Variants in PLXNA4 observed in about 807,000 individuals in gnomAD.
The protein encoded by PLXNA4 is plexin A4.
In PLXNA4, 44 loss-of-function variants were observed where a neutral mutation model predicts 191.8. That is an observed-to-expected ratio of 0.23 (90% CI 0.18 to 0.29). The LOEUF (loss-of-function observed/expected upper bound fraction) is 0.29. Among genes scored for constraint, PLXNA4 ranks in the 10% least tolerant of loss-of-function variants. The pLI is 1.00. For missense variants in PLXNA4, 1,800 were observed against 2,488.8 expected (o/e 0.72, Z 5.89); for synonymous variants, 1,082 against 1,009.5 (o/e 1.07, Z -1.36).
intron 3 of PLXNA4, among the ~76,000 whole-genome samples, chr7:132,371,669 G>T (rs1405926271): frequency 1.3e-5 from 2 of 152,164 alleles, no homozygotes; most frequent in East Asian, 1.9e-4. Context: ...GGAGACAGTG[G>T]CCAAAGATGT....
chr7:132,339,815 T>C (rs1017325117), intron 3 of PLXNA4, among the ~76,000 whole-genome samples: 10 of 152,218 alleles, frequency 6.6e-5, no homozygotes, highest in East Asian at 1.9e-4. Context: ...GGACTTATTA[T>C]GATTAGATTA....
Position 132,165,187 on chromosome 7 carries a change from C to A in PLXNA4, c.4300G>T (p.Ala1434Ser), listed in dbSNP as rs1378911264. Residue 1434 changes from alanine to serine, a missense_variant, in exon 23 of 32, where the codon GCT becomes TCT. Ala to Ser is a moderately conservative substitution (Grantham distance 99, BLOSUM62 1). Transcript: ENST00000321063. Reference sequence around the variant, plus strand: ...AACCAATTGGTCAGCATCTTCTCAGCCACTGACTCAGTCCTGTCAGCAGTC... The same window carrying A: ...AACCAATTGGTCAGCATCTTCTCAGACACTGACTCAGTCCTGTCAGCAGTC... The part of the protein sequence containing the change: ...KLLLRRTESV[A>S]EKMLTNWFTF... 1 of 1,613,202 alleles carries A rather than the reference C, an allele frequency of 6.2e-7. No individual in the cohort carries two copies. Among genetic ancestry groups the A allele is most frequent in the African/African-American group, 1.3e-5 (1 of 74,902 alleles).
chr7:132,161,074 T>A (rs1421176343), intron 24 of PLXNA4, among the ~76,000 whole-genome samples: 2 of 152,134 alleles, frequency 1.3e-5, no homozygotes, highest in Non-Finnish European at 2.9e-5. Context: ...TCTGGCCCCT[T>A]CCCTCTGCTC....
At chr7:132,167,071 G>A (rs1796144341) in intron 22 of PLXNA4, among the ~76,000 whole-genome samples, 1 of 152,214 alleles carries the variant, frequency 6.6e-6, no homozygotes, top group Non-Finnish European at 1.5e-5. Flanking sequence ...GACAGCACAT[G>A]AGTGGTCTAG....
At chr7:132,501,031 A>G (rs965937182) in intron 2 of PLXNA4, among the ~76,000 whole-genome samples, 1 of 152,216 alleles carries the variant, frequency 6.6e-6, no homozygotes, top group Non-Finnish European at 1.5e-5. Context: ...GGGCTGGTCT[A>G]TGTGCCCATT....
chr7:132,164,738 C>T (rs750358322), intron 23 of PLXNA4, among the ~76,000 whole-genome samples: 8 of 152,248 alleles, frequency 5.3e-5, no homozygotes, highest in Admixed American at 1.3e-4. Flanking sequence ...GCTTATCTGC[C>T]GCAACATGCG....
At chr7:132,595,018 T>C (rs62465172) in intron 2 of PLXNA4, among the ~76,000 whole-genome samples, 3,867 of 31,264 alleles carry the variant, frequency 0.12, 202 homozygotes, top group Admixed American at 0.37. Flanking sequence ...GATAGATAGA[T>C]AGACAGACAG....
At chr7:132,284,631 G>A (rs1800614418) in intron 4 of PLXNA4, among the ~76,000 whole-genome samples, 1 of 152,184 alleles carries the variant, frequency 6.6e-6, no homozygotes, top group African/African-American at 2.4e-5. Context: ...CTCAGACTAT[G>A]AGGCCAGAGC....
chr7:132,159,443 G>A lies in PLXNA4; in HGVS notation c.4660+30C>T, dbSNP rs777185785. ...GAGGTGTGTTCAGGAGCAGCCACAA[G>A]GACAGCCCCTGGGTGGACAGCCTAC... is the stretch of plus-strand genomic sequence containing the variant. On this transcript the variant is annotated intron_variant, in intron 25 of 31. Coordinates refer to ENST00000321063, the MANE Select transcript of PLXNA4 (RefSeq NM_020911.2). 11 of 1,611,370 alleles carry A rather than the reference G, an allele frequency of 6.8e-6. No individual in the cohort carries two copies. The Admixed American group carries it at 1.8e-4, about 27-fold the overall frequency.
chr7:132,644,802 C>T lies in PLXNA4; in HGVS notation c.-87+1126G>A, dbSNP rs149444626. Among the ~76,000 whole-genome samples the T allele has an allele frequency of 1.1e-3, 166 of 152,280 alleles. 1 individual carries two copies. Among genetic ancestry groups the T allele is most frequent in the African/African-American group, 3.5e-3 (146 of 41,554 alleles). On this transcript the variant is annotated intron_variant, in intron 2 of 4. Transcript: ENST00000378539. ...CAATATCTGAGAGGCAGAGAAAGTGCTTTATTAGGACCTTTGACAAAAAGG... is the reference window on the plus strand; with the variant it reads ...CAATATCTGAGAGGCAGAGAAAGTGTTTTATTAGGACCTTTGACAAAAAGG...
At chr7:132,378,247 G>T (rs1274903774) in intron 3 of PLXNA4, among the ~76,000 whole-genome samples, 1 of 152,200 alleles carries the variant, frequency 6.6e-6, no homozygotes, top group African/African-American at 2.4e-5. Flanking sequence ...CAGAGGTCTA[G>T]TGTTCTCAAG....
In PLXNA4 at chr7:132,226,737, G is replaced by A. The variant is rs962244902; in HGVS notation, c.1883-477C>T. On this transcript the variant is annotated intron_variant, in intron 7 of 31. Transcript: ENST00000321063. ...CCTCTGGGGGGCTCAGGGCTCCACCGGGGCGGGAGACCCTGGAATCCTCAT... is the reference window on the plus strand; with the variant it reads ...CCTCTGGGGGGCTCAGGGCTCCACCAGGGCGGGAGACCCTGGAATCCTCAT... Among the ~76,000 whole-genome samples, 4 of 152,326 alleles carry A rather than the reference G, an allele frequency of 2.6e-5. 1 individual carries two copies. The highest frequency in any genetic ancestry group is 1.5e-5 in the Non-Finnish European group (1 of 68,028).
intron 4 of PLXNA4, among the ~76,000 whole-genome samples, chr7:132,277,879 G>A (rs141580879): frequency 0.012 from 1,829 of 152,280 alleles, 31 homozygotes; most frequent in African/African-American, 0.041. Context: ...CAAAGCAACC[G>A]TAGACCACAC....
In PLXNA4 at chr7:132,582,416, A is replaced by G. The variant is rs562177879; in HGVS notation, c.-87+63512T>C. Among the ~76,000 whole-genome samples, 3 of 152,272 alleles carry G rather than the reference A, an allele frequency of 2.0e-5. No individual in the cohort carries two copies. The South Asian group carries it at 6.2e-4, about 32-fold the overall frequency. On this transcript the variant is annotated intron_variant, in intron 2 of 4. Coordinates refer to the PLXNA4 transcript ENST00000378539. ...TCCAAAATGGCCCCAGTGACTCTCA[A>G]CCAGAGGTATTCATGCCCTCATACA... is the stretch of plus-strand genomic sequence containing the variant.
chr7:132,161,470 A>T (rs1562890052), intron 24 of PLXNA4, among the ~76,000 whole-genome samples: 1 of 152,212 alleles, frequency 6.6e-6, no homozygotes, highest in Non-Finnish European at 1.5e-5. Flanking sequence ...TTTCTCTGCC[A>T]GGGAAGTGCC....
At chr7:132,579,220 G>T (rs1161134236), upstream of PLXNA4, among the ~76,000 whole-genome samples, 1 of 152,058 alleles carries the variant, frequency 6.6e-6, no homozygotes, top group Non-Finnish European at 1.5e-5. Flanking sequence ...GTCCCTAATG[G>T]GTTACTTAAG....
At chr7:132,323,584 C>G (rs1802258567) in intron 3 of PLXNA4, among the ~76,000 whole-genome samples, 1 of 152,176 alleles carries the variant, frequency 6.6e-6, no homozygotes, top group Non-Finnish European at 1.5e-5. Context: ...CTCCACGGCT[C>G]TGCTGTGCAA....
At chr7:132,384,995 C>T in intron 3 of PLXNA4, 1 of 1,390,580 alleles carries the variant, frequency 7.2e-7, no homozygotes, top group Non-Finnish European at 9.3e-7. Context: ...AGAAAAGAGA[C>T]CAACTACCTA....
chr7:132,183,491 A>T (rs1238898247), intron 16 of PLXNA4, among the ~76,000 whole-genome samples: 1 of 152,116 alleles, frequency 6.6e-6, no homozygotes, highest in African/African-American at 2.4e-5. Context: ...TCTGTCTCCA[A>T]CCTCCCTCCT....
Sources: allele counts gnomAD v4.1 joint callset (sites outside exome capture counted in the v4.1 genomes callset), GRCh38; gene constraint gnomAD v4.1.1; transcripts MANE v1.5; gene names NCBI Gene and HGNC (gene_info 2026-07-23, HGNC 2026-07-21).